The following PTPRU variants were observed in gnomAD, a reference collection of about 807,000 sequenced individuals.
PTPRU encodes the protein receptor-type tyrosine-protein phosphatase U.
Under a neutral mutation model 166.3 loss-of-function variants are expected in PTPRU, and 69 were observed. The observed-to-expected ratio is 0.41, with a 90% CI of 0.34 to 0.51. The LOEUF (loss-of-function observed/expected upper bound fraction) is 0.51, where lower values mean the gene tolerates loss of function less well. Among genes scored for constraint, PTPRU ranks in the 20% least tolerant of loss-of-function variants. The probability of loss-of-function intolerance (pLI) is 0.09; values close to 1 mark genes in which losing one functional copy is unlikely to be tolerated. For missense variants in PTPRU, 1,657 were observed against 2,013.7 expected (o/e 0.82, Z 3.39); for synonymous variants, 793 against 814.0 (o/e 0.97, Z 0.44).
At chr1:29,325,119 G>A (rs1320701623) in intron 28 of PTPRU, 72 bp from the exon 29 acceptor site, 1 of 1,580,474 alleles carries the variant, frequency 6.3e-7, no homozygotes, top group East Asian at 2.2e-5. Flanking sequence ...CCCCTCCCTC[G>A]TGGTTCCCTG....
At chr1:29,290,180 A>G (rs1222880312) in intron 14 of PTPRU, among the ~76,000 whole-genome samples, 1 of 152,190 alleles carries the variant, frequency 6.6e-6, no homozygotes, top group Non-Finnish European at 1.5e-5. Flanking sequence ...CTCCCACAGC[A>G]CAGGCAACTC....
chr1:29,259,227 A>T, intron 3 of PTPRU, 34 bp from the exon 4 acceptor site: 3 of 1,586,894 alleles, frequency 1.9e-6, no homozygotes, highest in Non-Finnish European at 2.6e-6. Flanking sequence ...CTGGAGGAAT[A>T]TCAGTATGAT....
intron 2 of PTPRU, among the ~76,000 whole-genome samples, chr1:29,256,267 G>C (rs1684767617): frequency 6.6e-6 from 1 of 152,106 alleles, no homozygotes; most frequent in African/African-American, 2.4e-5. Flanking sequence ...CTGGATGCAG[G>C]ATCAACTGGG....
At chr1:29,312,138 C>T (rs1326702519) in intron 21 of PTPRU, among the ~76,000 whole-genome samples, 1 of 152,184 alleles carries the variant, frequency 6.6e-6, no homozygotes, top group Non-Finnish European at 1.5e-5. Context: ...AGTGGCTGGC[C>T]AGCGAGTCCT....
intron 8 of PTPRU, among the ~76,000 whole-genome samples, chr1:29,277,821 T>TTTTTTTTTTTTTTTTA (rs1557440456): frequency 5.5e-5 from 7 of 126,352 alleles, no homozygotes; most frequent in African/African-American, 1.8e-4. Flanking sequence ...TTTTTTTTTT[T>TTTTTTTTTTTTTTTTA]TTTTTTTTTT....
chr1:29,315,257 G>T lies in PTPRU; in HGVS notation c.3228-115G>T. Reference sequence around the variant, plus strand: ...TACTCGGGGAGGGGCAGTCATCTCTGTGTCCGTGTCCCCTGTATGGTGTAG... The same window carrying T: ...TACTCGGGGAGGGGCAGTCATCTCTTTGTCCGTGTCCCCTGTATGGTGTAG... On this transcript the variant is annotated intron_variant, in intron 22 of 29. Transcript: ENST00000373779. This position sits in a 1 kb window ranked among gnomAD's most constrained non-coding sequence, Gnocchi z 4.5. 1 of 1,325,460 alleles carries T rather than the reference G, an allele frequency of 7.5e-7. No individual in the cohort carries two copies. Among genetic ancestry groups the T allele is most frequent in the East Asian group, 2.4e-5 (1 of 41,838 alleles). 82.1% of individuals were successfully genotyped at this position (1,325,460 alleles called of 1,614,324 possible).
chr1:29,279,344 T>C lies in PTPRU; in HGVS notation c.1564-112T>C. ...AAGCCTGGCTTGATGGCATCCATAG[T>C]CTCCTTTGCTTAGCCTTATCTCTCA... On this transcript the variant is annotated intron_variant, in intron 9 of 29. Transcript: ENST00000373779. This position sits in a 1 kb window ranked among gnomAD's most constrained non-coding sequence, Gnocchi z 5.2. 8.0e-7 allele frequency: 1 copy of C among 1,249,740 alleles called. No individual in the cohort carries two copies. Among genetic ancestry groups the C allele is most frequent in the Non-Finnish European group, 1.1e-6 (1 of 874,718 alleles). 77.4% of individuals were successfully genotyped at this position (1,249,740 alleles called of 1,614,324 possible).
chr1:29,240,183 A>G (rs1260358831), intron 1 of PTPRU, among the ~76,000 whole-genome samples: 1 of 152,160 alleles, frequency 6.6e-6, no homozygotes, highest in Non-Finnish European at 1.5e-5. Context: ...AGCATCATCC[A>G]GTCCCTGAAG....
chr1:29,250,084 A>G (rs1218996347), intron 1 of PTPRU, among the ~76,000 whole-genome samples: 2 of 151,732 alleles, frequency 1.3e-5, no homozygotes, highest in Non-Finnish European at 2.9e-5. Flanking sequence ...ATCTCTACCT[A>G]TCCTTCTTGG....
At chr1:29,246,725 C>T (rs1684314724) in intron 1 of PTPRU, among the ~76,000 whole-genome samples, 1 of 152,246 alleles carries the variant, frequency 6.6e-6, no homozygotes, top group African/African-American at 2.4e-5. Context: ...AAGTGATTCT[C>T]CTGCCTCCGC....
At chr1:29,308,375 C>G (rs28489866) in intron 18 of PTPRU, among the ~76,000 whole-genome samples, 13,943 of 149,190 alleles carry the variant, frequency 0.093, 1,254 homozygotes, top group East Asian at 0.26. Flanking sequence ...TCGAGATCAG[C>G]GTGGGCAACA....
At chr1:29,297,120 C>G (rs1043591689) in intron 15 of PTPRU, among the ~76,000 whole-genome samples, 3 of 140,050 alleles carry the variant, frequency 2.1e-5, no homozygotes, top group African/African-American at 8.2e-5. Flanking sequence ...GTGGTGCAAT[C>G]CTGGCTCACT....
At chr1:29,249,158 G>GCA (rs113055972) in intron 1 of PTPRU, among the ~76,000 whole-genome samples, 2 of 85,092 alleles carry the variant, frequency 2.4e-5, no homozygotes, top group South Asian at 2.8e-4. Flanking sequence ...GTGCACGTGT[G>GCA]CACACACACA....
At chr1:29,303,801 C>A in intron 15 of PTPRU, 54 bp from the exon 16 acceptor site, 1 of 1,501,442 alleles carries the variant, frequency 6.7e-7, no homozygotes, top group South Asian at 1.2e-5. Context: ...TCTCCAGGAC[C>A]CCCGAGGCTG....
intron 1 of PTPRU, among the ~76,000 whole-genome samples, chr1:29,246,873 C>T (rs1266874977): frequency 6.6e-6 from 1 of 152,208 alleles, no homozygotes; most frequent in Non-Finnish European, 1.5e-5. Flanking sequence ...GCCTCGGCCT[C>T]TCAAAGTGCT....
In PTPRU at chr1:29,282,751, A is replaced by C. The variant is rs778460941; in HGVS notation, c.1944A>C (p.Pro648=). The C allele has an allele frequency of 2.5e-5, 40 of 1,613,902 alleles. No individual in the cohort carries two copies. The highest frequency in any genetic ancestry group is 3.3e-5 in the Non-Finnish European group (39 of 1,180,006). The change falls in exon 12 of 30, where the codon CCA becomes CCC. Residue 648 remains proline, a synonymous_variant. Coordinates refer to ENST00000373779, the MANE Select transcript of PTPRU (RefSeq NM_133178.4). ...AGCCAGGTGGACAGGACTGCTTCCC[A>C]GTGCCATTGACCTTCGAGGCGGCGC... is the stretch of plus-strand genomic sequence containing the variant. ...RREPGGQDCF[P]VPLTFEAALA...
At chr1:29,272,083 G>A (rs974096123) in intron 7 of PTPRU, among the ~76,000 whole-genome samples, 2 of 152,182 alleles carry the variant, frequency 1.3e-5, no homozygotes, top group East Asian at 1.9e-4. Context: ...AGAATAACGC[G>A]AGGACCTCTG....
chr1:29,308,428 G>A (rs536130096), intron 18 of PTPRU, among the ~76,000 whole-genome samples: 63 of 151,760 alleles, frequency 4.2e-4, no homozygotes, highest in African/African-American at 1.4e-3. Context: ...TTAGCTGGGC[G>A]TGGTGGCTCA....
chr1:29,305,560 A>G, intron 18 of PTPRU, 132 bp downstream of exon 18: 3 of 927,220 alleles, frequency 3.2e-6, no homozygotes, highest in Non-Finnish European at 5.3e-6. Flanking sequence ...CTATCTCTGC[A>G]GTCAGTGCCA....
Sources: gnomAD v4.1 joint callset for allele counts (sites outside exome capture counted in the v4.1 genomes callset) on GRCh38, gnomAD v4.1.1 for gene constraint, Gnocchi (gnomAD v3.1) non-coding constraint, MANE v1.5 for transcripts, NCBI Gene and HGNC (gene_info 2026-07-23, HGNC 2026-07-21) for gene names.